Variants in PRDM16 observed in about 807,000 individuals in gnomAD.
PRDM16 encodes histone-lysine N-methyltransferase PRDM16.
Under a neutral mutation model 110.6 loss-of-function variants are expected in PRDM16, and 23 were observed. The ratio of observed to expected loss-of-function variants is 0.21; its 90% CI spans 0.15 to 0.29. The LOEUF is 0.29. Among genes scored for constraint, PRDM16 ranks in the 10% least tolerant of loss-of-function variants. The probability of loss-of-function intolerance (pLI) is 1.00; values close to 1 mark genes in which losing one functional copy is unlikely to be tolerated. For missense variants in PRDM16, 1,615 were observed against 1,794.3 expected, an observed-to-expected ratio of 0.90 and a Z score of 1.81; for synonymous variants, 799 against 781.8, an observed-to-expected ratio of 1.02 and a Z score of -0.37.
intron 2 of PRDM16, among the ~76,000 whole-genome samples, chr1:3,216,665 G>C (rs1199431752): frequency 6.6e-6 from 1 of 152,256 alleles, no homozygotes; most frequent in East Asian, 1.9e-4. Context: ...CAAACCTGGG[G>C]CAGGAGTCAG....
intron 2 of PRDM16, among the ~76,000 whole-genome samples, chr1:3,188,050 T>C (rs1644292195): frequency 6.6e-6 from 1 of 152,100 alleles, no homozygotes; most frequent in Non-Finnish European, 1.5e-5. Context: ...GGAGAGAGTT[T>C]GGAGTCGAAG....
intron 3 of PRDM16, among the ~76,000 whole-genome samples, chr1:3,258,432 T>C (rs1557562762): frequency 6.6e-6 from 1 of 152,242 alleles, no homozygotes; most frequent in Non-Finnish European, 1.5e-5. Flanking sequence ...CCTCTTCTTA[T>C]GCTAACGGGA....
chr1:3,191,973 G>A (rs566704309), intron 2 of PRDM16, among the ~76,000 whole-genome samples: 1 of 152,334 alleles, frequency 6.6e-6, no homozygotes, highest in East Asian at 1.9e-4. Flanking sequence ...GATGGCAGGA[G>A]GGGCAATGGC....
At chr1:3,416,168 C>T (rs977601585) in intron 10 of PRDM16, among the ~76,000 whole-genome samples, 1 of 152,198 alleles carries the variant, frequency 6.6e-6, no homozygotes, top group Non-Finnish European at 1.5e-5. Flanking sequence ...GTATTTTTAT[C>T]GTAACCAGTT....
At chr1:3,418,424 G>A (rs1405087027) in intron 11 of PRDM16, among the ~76,000 whole-genome samples, 2 of 152,204 alleles carry the variant, frequency 1.3e-5, no homozygotes, top group African/African-American at 4.8e-5. Flanking sequence ...CCGCCAGACT[G>A]AGGGGCCGAG....
chr1:3,290,642 G>T lies in PRDM16; in HGVS notation c.438+46505G>T, dbSNP rs974306768. On this transcript the variant is annotated intron_variant, in intron 3 of 16. Coordinates refer to ENST00000270722, the MANE Select transcript of PRDM16 (RefSeq NM_022114.4). The surrounding 1 kb of genome is among the most constrained non-coding windows in gnomAD (Gnocchi z 4.8). ...TCCCAGGACGCAGTGGTGGGCCCAG[G>T]CCGGCCAGCGCTGGCTGAAGGAGCA... Among the ~76,000 whole-genome samples, 2 of 152,200 alleles carry T rather than the reference G, an allele frequency of 1.3e-5. No individual in the cohort carries two copies. Among genetic ancestry groups the T allele is most frequent in the Admixed American group, 1.3e-4 (2 of 15,288 alleles).
At chr1:3,421,686 G>T (rs1207796624) in intron 12 of PRDM16, among the ~76,000 whole-genome samples, 2 of 152,186 alleles carry the variant, frequency 1.3e-5, no homozygotes, top group African/African-American at 2.4e-5. Flanking sequence ...TTCACACAAG[G>T]GACTTGCTCT....
At chr1:3,374,915 G>C in intron 3 of PRDM16, among the ~76,000 whole-genome samples, 1 of 152,192 alleles carries the variant, frequency 6.6e-6, no homozygotes, top group Non-Finnish European at 1.5e-5. Context: ...CCAGTGGCCC[G>C]AAGTGGCCGC....
chr1:3,400,998 T>A (rs1643459076), intron 5 of PRDM16, among the ~76,000 whole-genome samples: 1 of 152,128 alleles, frequency 6.6e-6, no homozygotes, highest in Non-Finnish European at 1.5e-5. Context: ...TGCCATCCAG[T>A]ATGCCTGCTG....
chr1:3,261,931 A>C (rs1246995736), intron 3 of PRDM16, among the ~76,000 whole-genome samples: 3 of 152,218 alleles, frequency 2.0e-5, no homozygotes, highest in Non-Finnish European at 2.9e-5. Flanking sequence ...AAGAGCTGTC[A>C]TCCTACCCCC....
chr1:3,149,537 G>A (rs868151233), intron 1 of PRDM16, among the ~76,000 whole-genome samples: 11 of 152,178 alleles, frequency 7.2e-5, no homozygotes, highest in Non-Finnish European at 1.6e-4. Context: ...TCCAGACTCC[G>A]CCTGGGCCTC....
intron 3 of PRDM16, among the ~76,000 whole-genome samples, chr1:3,262,952 AGAGT>A (rs1295636440): frequency 6.6e-6 from 1 of 152,152 alleles, no homozygotes; most frequent in East Asian, 1.9e-4. Context: ...TGGATCCTTG[AGAGT>A]GAGTGATTGT....
In PRDM16 at chr1:3,186,628, G is replaced by C. The variant is rs16823425; in HGVS notation, c.387+154G>C. 1,163 of 581,910 alleles carry C rather than the reference G, an allele frequency of 2.0e-3. 7 individuals carry two copies. In the African/African-American group the frequency reaches 0.02, roughly 10 times the overall value. The allele number at this position is 581,910 out of a possible 1,614,324, so 36.0% of individuals were successfully genotyped here. Reference sequence around the variant, plus strand: ...ATTTCCCAGCCTATTTTATCCTGCAGCTCGCCTGATGCGACTCAGAAAGCA... The same window carrying C: ...ATTTCCCAGCCTATTTTATCCTGCACCTCGCCTGATGCGACTCAGAAAGCA... On this transcript the variant is annotated intron_variant, in intron 2 of 16. Transcript: ENST00000270722.
intron 14 of PRDM16, among the ~76,000 whole-genome samples, chr1:3,427,591 G>A (rs1638646286): frequency 6.6e-6 from 1 of 152,132 alleles, no homozygotes; most frequent in Non-Finnish European, 1.5e-5. Flanking sequence ...GGGGTACCTG[G>A]GAAAGAGGCA....
intron 8 of PRDM16, among the ~76,000 whole-genome samples, chr1:3,410,138 TGTG>T (rs777272192): frequency 2.4e-4 from 36 of 151,078 alleles, no homozygotes; most frequent in Non-Finnish European, 2.2e-4. Context: ...TGTGTATGAA[TGTG>T]GTGTGTGGTT....
At chr1:3,248,135 A>G (rs941638832) in intron 3 of PRDM16, among the ~76,000 whole-genome samples, 2 of 152,254 alleles carry the variant, frequency 1.3e-5, no homozygotes, top group African/African-American at 4.8e-5. Context: ...TCAAAATCCA[A>G]TAGGATAGAC....
intron 3 of PRDM16, among the ~76,000 whole-genome samples, chr1:3,262,614 C>T (rs982447717): frequency 2.6e-5 from 4 of 152,198 alleles, no homozygotes; most frequent in South Asian, 2.1e-4. Flanking sequence ...GGATGGGGTC[C>T]TTGCTGAGGG....
intron 3 of PRDM16, among the ~76,000 whole-genome samples, chr1:3,367,507 C>T (rs940753037): frequency 2.6e-5 from 4 of 152,182 alleles, no homozygotes; most frequent in Non-Finnish European, 4.4e-5. Context: ...CCAGGCCTAA[C>T]GCACCCACAG....
chr1:3,176,264 G>T (rs1644087512), intron 1 of PRDM16, among the ~76,000 whole-genome samples: 1 of 147,660 alleles, frequency 6.8e-6, no homozygotes, highest in African/African-American at 2.5e-5. Context: ...TCCACCATCT[G>T]TCCATCCATC....
Sources: gnomAD v4.1 joint callset for allele counts (sites outside exome capture counted in the v4.1 genomes callset) on GRCh38, gnomAD v4.1.1 for gene constraint, Gnocchi (gnomAD v3.1) non-coding constraint, MANE v1.5 for transcripts, NCBI Gene and HGNC (gene_info 2026-07-23, HGNC 2026-07-21) for gene names.